The following ARHGAP26 variants were observed in gnomAD, a reference collection of about 807,000 sequenced individuals.
ARHGAP26 encodes Rho GTPase activating protein 26.
Under a neutral mutation model 104.8 loss-of-function variants are expected in ARHGAP26, and 38 were observed. The ratio of observed to expected loss-of-function variants is 0.36; its 90% confidence interval spans 0.28 to 0.48. The LOEUF (loss-of-function observed/expected upper bound fraction) is 0.48. ARHGAP26 is among the 20% of genes least tolerant of loss of function. ARHGAP26 has a pLI of 0.99. For missense variants in ARHGAP26, 704 were observed against 947.9 expected (o/e 0.74, Z 3.38); for synonymous variants, 341 against 340.0 (o/e 1.00, Z -0.03).
At chr5:142,954,120 G>C (rs1009142595) in intron 11 of ARHGAP26, among the ~76,000 whole-genome samples, 1 of 152,196 alleles carries the variant, frequency 6.6e-6, no homozygotes, top group Non-Finnish European at 1.5e-5. Context: ...CCATCTCTGG[G>C]AAGGGGCACC....
At chr5:143,068,134 C>T (rs984902965) in intron 17 of ARHGAP26, among the ~76,000 whole-genome samples, 1 of 152,122 alleles carries the variant, frequency 6.6e-6, no homozygotes, top group Non-Finnish European at 1.5e-5. Context: ...CACTACACTT[C>T]AGCCTGGGTG....
intron 4 of ARHGAP26, among the ~76,000 whole-genome samples, chr5:142,883,011 A>G (rs1757213480): frequency 1.3e-5 from 2 of 152,196 alleles, no homozygotes; most frequent in African/African-American, 4.8e-5. Flanking sequence ...GTCCTGAGTA[A>G]TGGACACACT....
intron 20 of ARHGAP26, among the ~76,000 whole-genome samples, chr5:143,202,029 C>T (rs1424143477): frequency 2.0e-5 from 3 of 152,144 alleles, no homozygotes; most frequent in Non-Finnish European, 4.4e-5. Flanking sequence ...AAGTCTCCCA[C>T]TATTATTGTG....
chr5:143,142,543 A>G (rs1411063982), intron 19 of ARHGAP26, among the ~76,000 whole-genome samples: 1 of 152,040 alleles, frequency 6.6e-6, no homozygotes. Context: ...ACCCAAACAT[A>G]TTACGCAGAC....
At chr5:143,105,036 C>G (rs902955244) in intron 17 of ARHGAP26, among the ~76,000 whole-genome samples, 2 of 151,858 alleles carry the variant, frequency 1.3e-5, no homozygotes, top group Non-Finnish European at 2.9e-5. Context: ...TTTTTTCCCC[C>G]TAACGATAGC....
At chr5:143,196,694 G>A (rs1599468213) in intron 20 of ARHGAP26, among the ~76,000 whole-genome samples, 1 of 152,218 alleles carries the variant, frequency 6.6e-6, no homozygotes, top group East Asian at 1.9e-4. Context: ...CATTTTAAAT[G>A]GCAAAATCAC....
intron 11 of ARHGAP26, among the ~76,000 whole-genome samples, chr5:142,939,916 G>T (rs866795438): frequency 6.6e-5 from 10 of 152,362 alleles, no homozygotes; most frequent in African/African-American, 2.2e-4. Context: ...TGGATATTGG[G>T]ATACCTGGGT....
intron 1 of ARHGAP26, among the ~76,000 whole-genome samples, chr5:142,783,428 C>G (rs1261630175): frequency 6.6e-6 from 1 of 152,134 alleles, no homozygotes; most frequent in East Asian, 1.9e-4. Flanking sequence ...CTTGGGTGCT[C>G]TTGTCAGGGT....
At chr5:142,797,558 C>T (rs1761237196) in intron 1 of ARHGAP26, among the ~76,000 whole-genome samples, 1 of 152,114 alleles carries the variant, frequency 6.6e-6, no homozygotes, top group South Asian at 2.1e-4. Flanking sequence ...TCTGTGCTCA[C>T]CCTACGTGGT....
intron 20 of ARHGAP26, among the ~76,000 whole-genome samples, chr5:143,161,094 C>T (rs1801181662): frequency 6.7e-6 from 1 of 149,936 alleles, no homozygotes; most frequent in Non-Finnish European, 1.5e-5. Flanking sequence ...TCACTGCAAC[C>T]TCCACCTCCT....
At chr5:143,085,212 C>G (rs1790400349) in intron 17 of ARHGAP26, among the ~76,000 whole-genome samples, 1 of 152,126 alleles carries the variant, frequency 6.6e-6, no homozygotes, top group Non-Finnish European at 1.5e-5. Flanking sequence ...GCCCCAGTGT[C>G]TATCACATCA....
chr5:143,054,436 T>C lies in ARHGAP26; in HGVS notation c.1286-3T>C, dbSNP rs115880460. Reference sequence around the variant, plus strand: ...TTTATGTATTGTCTTTTCTTCATTTTAGACCCCAAGACTGCTTCTGAGACA... The same window carrying C: ...TTTATGTATTGTCTTTTCTTCATTTCAGACCCCAAGACTGCTTCTGAGACA... On this transcript the variant is annotated splice_region_variant and splice_polypyrimidine_tract_variant and intron_variant, in intron 14 of 22. Coordinates refer to ENST00000645722, the MANE Select transcript of ARHGAP26 (RefSeq NM_001135608.3). 344 of 1,605,204 alleles carry C rather than the reference T, an allele frequency of 2.1e-4. No homozygotes were observed. The African/African-American group carries it at 4.1e-3, about 19-fold the overall frequency.
chr5:142,882,752 C>G (rs1397807086), intron 4 of ARHGAP26, among the ~76,000 whole-genome samples: 1 of 152,104 alleles, frequency 6.6e-6, no homozygotes, highest in Non-Finnish European at 1.5e-5. Context: ...TTCATTTAAC[C>G]CTAGAAATCC....
At chr5:143,175,091 A>G (rs1412377361) in intron 20 of ARHGAP26, among the ~76,000 whole-genome samples, 1 of 152,242 alleles carries the variant, frequency 6.6e-6, no homozygotes, top group African/African-American at 2.4e-5. Flanking sequence ...TTTTCCCCAC[A>G]TAAAAGGAGC....
Position 143,225,729 on chromosome 5 carries a change from G to A in ARHGAP26, c.*3283G>A, listed in dbSNP as rs143219468. ...TTAGGTAACTCCCTCCCTAGCTTCC[G>A]TGTGTCTGTGCAGTGCCCATGAGCT... On this transcript the variant is annotated 3_prime_UTR_variant, in exon 23 of 23. Transcript: ENST00000645722. The A allele has an allele frequency of 7.9e-4, 180 of 229,282 alleles. 1 individual carries two copies. The highest frequency in any genetic ancestry group is 3.5e-3 in the African/African-American group (156 of 45,088). 14.2% of individuals were successfully genotyped at this position (229,282 alleles called of 1,614,324 possible).
intron 17 of ARHGAP26, among the ~76,000 whole-genome samples, chr5:143,106,995 C>T (rs988769979): frequency 3.3e-5 from 5 of 152,140 alleles, no homozygotes; most frequent in African/African-American, 1.2e-4. Flanking sequence ...TTGTCATATA[C>T]CTCTGTTTGA....
Position 143,041,860 on chromosome 5 carries a change from A to G in ARHGAP26, c.1255A>G (p.Arg419Gly). ...GLYRIVGVNS[R>G]VQKLLSVLMD... The stretch of plus-strand genomic sequence containing the variant: ...GTATCGAATTGTGGGTGTCAACTCC[A>G]GAGTGCAGAAGTTGCTGAGTGTCCT... Residue 419 changes from arginine to glycine, a missense_variant, in exon 14 of 23, where the codon AGA (arginine) becomes GGA (glycine). This residue lies in a region of ARHGAP26 where 287 missense variants were observed against 438.8 expected (regional missense o/e 0.65). Transcript: ENST00000645722. 6.2e-7 allele frequency: 1 copy of G among 1,600,942 alleles called. No individual in the cohort carries two copies. The highest frequency in any genetic ancestry group is 1.7e-5 in the Admixed American group (1 of 58,376).
At chr5:143,151,177 G>A (rs1001352752) in intron 20 of ARHGAP26, among the ~76,000 whole-genome samples, 57 of 152,076 alleles carry the variant, frequency 3.7e-4, no homozygotes, top group Non-Finnish European at 4.0e-4. Flanking sequence ...TATGATTCAC[G>A]TCTTATGTCT....
At chr5:142,811,794 C>T (rs10071641) in intron 1 of ARHGAP26, among the ~76,000 whole-genome samples, 1,829 of 152,298 alleles carry the variant, frequency 0.012, 42 homozygotes, top group African/African-American at 0.042. Context: ...TACTCTTGTG[C>T]GCAGCCTTGC....
Sources: allele counts gnomAD v4.1 joint callset (sites outside exome capture counted in the v4.1 genomes callset), GRCh38; gene constraint gnomAD v4.1.1; regional missense constraint gnomAD v4.1.1; transcripts MANE v1.5; gene names NCBI Gene and HGNC (gene_info 2026-07-23, HGNC 2026-07-21).